ERBB4: variants seen among roughly 807,000 people sequenced by gnomAD.
ERBB4 encodes the protein erb-b2 receptor tyrosine kinase 4.
A neutral mutation model predicts 158.0 loss-of-function variants in ERBB4; 42 were observed. The observed-to-expected ratio is 0.27, with a 90% CI of 0.21 to 0.34. The LOEUF (loss-of-function observed/expected upper bound fraction) is 0.34. Ranked by LOEUF, ERBB4 falls within the 10% of genes least tolerant of loss-of-function variation. ERBB4 has a pLI of 1.00. For synonymous variants in ERBB4, 583 were observed against 558.7 expected (o/e 1.04, Z -0.61); for missense variants, 1,333 against 1,624.1 (o/e 0.82, Z 3.08).
intron 3 of ERBB4, among the ~76,000 whole-genome samples, chr2:211,927,258 T>C (rs542625072): frequency 1.3e-5 from 2 of 152,196 alleles, no homozygotes; most frequent in Non-Finnish European, 2.9e-5. Flanking sequence ...GGTTAAAACA[T>C]AGTCTGCATA....
At chr2:211,789,776 T>C (rs1460465554) in intron 3 of ERBB4, among the ~76,000 whole-genome samples, 1 of 152,002 alleles carries the variant, frequency 6.6e-6, no homozygotes, top group African/African-American at 2.4e-5. Context: ...TTTGTAGGAG[T>C]CATCTTCAAC....
chr2:211,996,560 T>C (rs1413840760), intron 2 of ERBB4, among the ~76,000 whole-genome samples: 1 of 152,134 alleles, frequency 6.6e-6, no homozygotes, highest in East Asian at 1.9e-4. Context: ...CTCATTAAGG[T>C]TTTCCCCAAG....
chr2:211,565,624 G>A (rs761900928), intron 19 of ERBB4, among the ~76,000 whole-genome samples: 12 of 152,002 alleles, frequency 7.9e-5, no homozygotes, highest in East Asian at 1.9e-4. Context: ...CCCTTTAACC[G>A]TCCCTACTAT....
At chr2:212,086,789 G>A (rs1201881186) in intron 2 of ERBB4, among the ~76,000 whole-genome samples, 4 of 152,018 alleles carry the variant, frequency 2.6e-5, no homozygotes, top group Non-Finnish European at 5.9e-5. Flanking sequence ...GAAACTGTTA[G>A]GAGAAGGGAG....
intron 1 of ERBB4, among the ~76,000 whole-genome samples, chr2:212,414,773 A>C (rs1366926424): frequency 6.6e-6 from 1 of 152,164 alleles, no homozygotes; most frequent in East Asian, 1.9e-4. Context: ...TTAAACTGGA[A>C]CCCACAGAAA....
chr2:211,956,137 CT>C (rs1409357037), intron 2 of ERBB4, among the ~76,000 whole-genome samples: 2 of 151,362 alleles, frequency 1.3e-5, no homozygotes, highest in African/African-American at 4.9e-5. Flanking sequence ...TTTTAATAAT[CT>C]TTAATAACTA....
chr2:212,111,747 T>TA (rs1491028281), intron 2 of ERBB4, among the ~76,000 whole-genome samples: 3 of 152,030 alleles, frequency 2.0e-5, no homozygotes, highest in South Asian at 4.1e-4. Flanking sequence ...AACCCTTTTT[T>TA]AAAAAAATAC....
intron 16 of ERBB4, among the ~76,000 whole-genome samples, chr2:211,637,370 T>C (rs2070400154): frequency 6.6e-6 from 1 of 151,954 alleles, no homozygotes; most frequent in South Asian, 2.1e-4. Flanking sequence ...TTTTCTTAAT[T>C]ATGTATATAA....
chr2:212,217,595 AG>A (rs35282094), intron 1 of ERBB4, among the ~76,000 whole-genome samples: 3 of 151,220 alleles, frequency 2.0e-5, no homozygotes, highest in African/African-American at 7.3e-5. Context: ...CAGTTTCCAA[AG>A]GAAAAAGAAG....
intron 1 of ERBB4, among the ~76,000 whole-genome samples, chr2:212,294,283 T>A (rs2086328130): frequency 6.6e-6 from 1 of 152,050 alleles, no homozygotes; most frequent in Non-Finnish European, 1.5e-5. Context: ...ATTTATTTTA[T>A]TTGAAATAGT....
At chr2:211,460,493 G>A (rs1574531126) in intron 20 of ERBB4, among the ~76,000 whole-genome samples, 1 of 152,208 alleles carries the variant, frequency 6.6e-6, no homozygotes, top group East Asian at 1.9e-4. Flanking sequence ...TGAACAACTG[G>A]GGGTAGATGG....
chr2:211,508,135 G>T (rs1019287463), intron 20 of ERBB4, among the ~76,000 whole-genome samples: 1 of 151,992 alleles, frequency 6.6e-6, no homozygotes, highest in African/African-American at 2.4e-5. Context: ...TTGACAAATG[G>T]GATCTAATCA....
intron 4 of ERBB4, among the ~76,000 whole-genome samples, chr2:211,784,685 T>C (rs1224382401): frequency 1.3e-5 from 2 of 152,234 alleles, no homozygotes; most frequent in African/African-American, 4.8e-5. Flanking sequence ...CAGACTATTT[T>C]CCATAGTGGT....
intron 17 of ERBB4, among the ~76,000 whole-genome samples, chr2:211,624,330 T>G (rs2125859415): frequency 6.6e-6 from 1 of 152,074 alleles, no homozygotes; most frequent in Non-Finnish European, 1.5e-5. Flanking sequence ...CGAGATTTGA[T>G]GCATTAAAGA....
chr2:211,875,740 G>C (rs1454953701), intron 3 of ERBB4, among the ~76,000 whole-genome samples: 1 of 152,156 alleles, frequency 6.6e-6, no homozygotes, highest in Non-Finnish European at 1.5e-5. Context: ...ACAACCACCA[G>C]TCCAGCAAAC....
chr2:211,422,035 C>G lies in ERBB4; in HGVS notation c.2936G>C (p.Arg979Pro). The G allele has an allele frequency of 6.2e-7, 1 of 1,611,558 alleles. No homozygotes were observed. The highest frequency in any genetic ancestry group is 1.7e-4 in the Middle Eastern group (1 of 6,056). The change falls in exon 24 of 28, where the codon CGA (arginine) becomes CCA (proline). Residue 979 changes from arginine to proline, a missense_variant. Arg to Pro is a moderately radical substitution (Grantham distance 103). This residue lies in a region of ERBB4 where 314 missense variants were observed against 437.6 expected (regional missense o/e 0.72). Transcript: ENST00000342788. ...ELAAEFSRMARDPQRYLVIQG... is the reference protein window; with the variant it reads ...ELAAEFSRMAPDPQRYLVIQG... ...AATAACTAGGTATCTTTGAGGGTCT[C>G]GAGCCATCCTTGAAAACTCAGCAGC...
chr2:212,068,577 C>T (rs2125440469), intron 2 of ERBB4, among the ~76,000 whole-genome samples: 1 of 152,156 alleles, frequency 6.6e-6, no homozygotes, highest in Non-Finnish European at 1.5e-5. Context: ...CCAAAAGCTA[C>T]CCTGAAGTAA....
At chr2:212,423,484 T>C (rs2091843306) in intron 1 of ERBB4, among the ~76,000 whole-genome samples, 1 of 152,202 alleles carries the variant, frequency 6.6e-6, no homozygotes, top group African/African-American at 2.4e-5. Flanking sequence ...AATGCCATAT[T>C]GATCATTTCA....
At chr2:211,389,683 C>T (rs2062761607) in intron 25 of ERBB4, among the ~76,000 whole-genome samples, 7 of 152,092 alleles carry the variant, frequency 4.6e-5, no homozygotes, top group Admixed American at 4.6e-4. Context: ...ACAGACAGAT[C>T]GTTTAATGAC....
Sources: allele counts gnomAD v4.1 joint callset (sites outside exome capture counted in the v4.1 genomes callset), GRCh38; gene constraint gnomAD v4.1.1; regional missense constraint gnomAD v4.1.1; transcripts MANE v1.5; gene names NCBI Gene and HGNC (gene_info 2026-07-23, HGNC 2026-07-21).